MAGI3: variants seen among roughly 807,000 people sequenced by gnomAD.
MAGI3 encodes membrane associated guanylate kinase, WW and PDZ domain containing 3.
Under a neutral mutation model 121.8 loss-of-function variants are expected in MAGI3, and 43 were observed. The observed-to-expected ratio is 0.35, with a 90% CI of 0.28 to 0.46. The LOEUF is 0.46. MAGI3 is among the 20% of genes least tolerant of loss of function. The probability of loss-of-function intolerance (pLI) is 1.00; values close to 1 mark genes in which losing one functional copy is unlikely to be tolerated. For synonymous variants in MAGI3, 553 were observed against 639.3 expected, an observed-to-expected ratio of 0.86 and a Z score of 2.04; for missense variants, 1,547 against 1,797.3, an observed-to-expected ratio of 0.86 and a Z score of 2.52.
chr1:113,612,004 C>T (rs1650182237), intron 6 of MAGI3, among the ~76,000 whole-genome samples: 1 of 151,256 alleles, frequency 6.6e-6, no homozygotes, highest in African/African-American at 2.4e-5. Context: ...AATGCAGTGG[C>T]ACGATCTTGG....
chr1:113,446,062 G>C (rs1654162223), intron 1 of MAGI3, among the ~76,000 whole-genome samples: 2 of 152,294 alleles, frequency 1.3e-5, no homozygotes, highest in Admixed American at 1.3e-4. Context: ...TGATTTAAGA[G>C]TAATACATTA....
intron 14 of MAGI3, among the ~76,000 whole-genome samples, chr1:113,653,379 C>G (rs974175276): frequency 6.6e-6 from 1 of 152,028 alleles, no homozygotes. Context: ...CGAGACCAGC[C>G]TGGCCAATAT....
chr1:113,407,025 C>T (rs1651718443), intron 1 of MAGI3, among the ~76,000 whole-genome samples: 1 of 152,030 alleles, frequency 6.6e-6, no homozygotes, highest in African/African-American at 2.4e-5. Context: ...ATGGCTGGCA[C>T]CAACTAAATG....
intron 1 of MAGI3, among the ~76,000 whole-genome samples, chr1:113,486,890 G>T (rs529661057): frequency 6.6e-6 from 1 of 152,024 alleles, no homozygotes; most frequent in African/African-American, 2.4e-5. Context: ...ATTTTTTTGT[G>T]TGTGGCAACA....
intron 1 of MAGI3, among the ~76,000 whole-genome samples, chr1:113,411,028 A>G (rs960611923): frequency 6.6e-6 from 1 of 152,136 alleles, no homozygotes; most frequent in African/African-American, 2.4e-5. Flanking sequence ...AGTAGAAGTA[A>G]TCTTGGCTAT....
intron 1 of MAGI3, among the ~76,000 whole-genome samples, chr1:113,455,848 G>A (rs1166292658): frequency 1.3e-5 from 2 of 152,170 alleles, no homozygotes; most frequent in Non-Finnish European, 1.5e-5. Context: ...AGAATTGATG[G>A]CTGTTTTGCT....
intron 1 of MAGI3, among the ~76,000 whole-genome samples, chr1:113,483,392 C>T (rs1225565685): frequency 6.6e-6 from 1 of 152,048 alleles, no homozygotes; most frequent in African/African-American, 2.4e-5. Flanking sequence ...GTAAAGCCCT[C>T]ATGATGGGCT....
At chr1:113,611,964 T>TTTATTTATTTAC (rs1209972391) in intron 6 of MAGI3, among the ~76,000 whole-genome samples, 4 of 151,760 alleles carry the variant, frequency 2.6e-5, no homozygotes, top group African/African-American at 4.8e-5. Flanking sequence ...TATTTATTTA[T>TTTATTTATTTAC]TTATTTGACT....
At chr1:113,637,682 T>C (rs1652131332) in intron 9 of MAGI3, among the ~76,000 whole-genome samples, 1 of 151,634 alleles carries the variant, frequency 6.6e-6, no homozygotes, top group Admixed American at 6.6e-5. Context: ...TCATTTCAAC[T>C]TTGGTGAATC....
chr1:113,449,360 G>GGTGTGTGTGTGTGTGTGTGTGT (rs71087199), intron 1 of MAGI3, among the ~76,000 whole-genome samples: 22 of 147,330 alleles, frequency 1.5e-4, no homozygotes, highest in Non-Finnish European at 3.0e-4. Flanking sequence ...TTACTTTTAT[G>GGTGTGTGTGTGTGTGTGTGTGT]GTGTGTGTGT....
intron 1 of MAGI3, among the ~76,000 whole-genome samples, chr1:113,483,410 A>C (rs908272913): frequency 2.6e-5 from 4 of 152,134 alleles, no homozygotes; most frequent in African/African-American, 9.7e-5. Flanking sequence ...GCTTAGTGCC[A>C]TTATAAAGAG....
At chr1:113,593,862 GC>G (rs1406499564) in intron 5 of MAGI3, among the ~76,000 whole-genome samples, 1 of 152,188 alleles carries the variant, frequency 6.6e-6, no homozygotes, top group Non-Finnish European at 1.5e-5. Flanking sequence ...TGTGGATCAT[GC>G]TGATGAAAAC....
At position 113,614,652 on chromosome 1, in the gene MAGI3, A is replaced by G. The variant is rs1161987275; in HGVS notation, c.1070A>G (p.Tyr357Cys). The G allele has an allele frequency of 2.6e-5, 42 of 1,601,408 alleles. No individual in the cohort carries two copies. Among genetic ancestry groups the G allele is most frequent in the Non-Finnish European group, 3.3e-5 (39 of 1,172,378 alleles). The change falls in exon 7 of 21, where the codon TAT (tyrosine) becomes TGT (cysteine). Residue 357 changes from tyrosine to cysteine, a missense_variant. Physicochemically the swap from Tyr to Cys is radical, Grantham distance 194. Coordinates refer to ENST00000307546, the MANE Select transcript of MAGI3 (RefSeq NM_001142782.2). ...GAGGACCCTCAGTATGGGACATACT[A>G]TGTTGAGTAAGTTTGTTACCTCAGT... ...KIEDPQYGTY[Y>C]VDHLNQKTQF... is the part of the protein sequence containing the mutation.
rs913654479 is a variant in MAGI3 at position 113,516,160 on chromosome 1, A to G, written c.317-33355A>G. Among the ~76,000 whole-genome samples the G allele has an allele frequency of 2.6e-5, 4 of 152,170 alleles. No individual in the cohort carries two copies. The South Asian group carries it at 6.2e-4, about 24-fold the overall frequency. ...ATATTTATCAATATGTATATAGTAC[A>G]TAGATTAATAGACACACATATTTCC... On this transcript the variant is annotated intron_variant, in intron 1 of 20. Transcript: ENST00000307546.
intron 19 of MAGI3, among the ~76,000 whole-genome samples, chr1:113,678,125 T>TG (rs1414551372): frequency 2.0e-5 from 3 of 151,858 alleles, no homozygotes; most frequent in Non-Finnish European, 2.9e-5. Flanking sequence ...TTTTTTTTTT[T>TG]GCAGTTTATT....
chr1:113,592,277 C>G (rs2101737678), intron 5 of MAGI3, among the ~76,000 whole-genome samples: 1 of 152,274 alleles, frequency 6.6e-6, no homozygotes, highest in East Asian at 1.9e-4. Context: ...TGTATTACTG[C>G]TGCTGTTGAA....
chr1:113,545,196 A>G (rs555959052), intron 1 of MAGI3, among the ~76,000 whole-genome samples: 34 of 152,304 alleles, frequency 2.2e-4, no homozygotes, highest in African/African-American at 8.2e-4. Flanking sequence ...CCCAAGACCA[A>G]TTCCCTACTT....
At chr1:113,538,906 T>C (rs1659130129) in intron 1 of MAGI3, among the ~76,000 whole-genome samples, 1 of 152,214 alleles carries the variant, frequency 6.6e-6, no homozygotes, top group East Asian at 1.9e-4. Context: ...TCAGCTTTCA[T>C]GTAGAACTTG....
chr1:113,644,257 TA>T (rs1434602876), intron 11 of MAGI3, among the ~76,000 whole-genome samples: 5 of 152,062 alleles, frequency 3.3e-5, no homozygotes, highest in Admixed American at 1.3e-4. Flanking sequence ...AAATTAGGCT[TA>T]TTTTTTTATT....
Sources: allele counts gnomAD v4.1 joint callset (sites outside exome capture counted in the v4.1 genomes callset), GRCh38; gene constraint gnomAD v4.1.1; transcripts MANE v1.5; gene names NCBI Gene and HGNC (gene_info 2026-07-23, HGNC 2026-07-21).